CDHR3: variants seen among roughly 807,000 people sequenced by gnomAD.
CDHR3 encodes cadherin-related family member 3.
Under a neutral mutation model 86.6 loss-of-function variants are expected in CDHR3, and 79 were observed. The observed-to-expected ratio is 0.91, with a 90% confidence interval of 0.76 to 1.10. The LOEUF (loss-of-function observed/expected upper bound fraction) is 1.10. Among genes scored for constraint, CDHR3 ranks in the 50% least tolerant of loss-of-function variants. CDHR3 has a pLI of 0.00. For synonymous variants in CDHR3, 421 were observed against 402.4 expected, an observed-to-expected ratio of 1.05 and a Z score of -0.55; for missense variants, 1,081 against 1,077.6, an observed-to-expected ratio of 1.00 and a Z score of -0.04.
At chr7:105,971,127 C>T (rs1486642092) in intron 1 of CDHR3, among the ~76,000 whole-genome samples, 17 of 125,772 alleles carry the variant, frequency 1.4e-4, no homozygotes, top group African/African-American at 4.0e-4. Flanking sequence ...GGAGACAGAG[C>T]GAGACTCCAT....
chr7:105,974,783 G>A, intron 1 of CDHR3, 61 bp from the exon 2 acceptor site: 2 of 1,382,606 alleles, frequency 1.4e-6, no homozygotes, highest in Non-Finnish European at 2.0e-6. Flanking sequence ...AAGCTGTTAA[G>A]TCCCTGTTCC....
At chr7:105,993,677 CAAAAAAAAAA>C (rs55787798) in intron 4 of CDHR3, among the ~76,000 whole-genome samples, 16 of 91,790 alleles carry the variant, frequency 1.7e-4, no homozygotes, top group South Asian at 5.5e-4. Context: ...CTCTGTCTCA[CAAAAAAAAAA>C]AAAAAAAAAA....
rs113744764 is a variant in CDHR3 at position 105,972,328 on chromosome 7, C to T, written c.47-2516C>T. Among the ~76,000 whole-genome samples the T allele has an allele frequency of 2.7e-3, 405 of 152,250 alleles. 1 individual carries two copies. The highest frequency in any genetic ancestry group is 9.0e-3 in the African/African-American group (373 of 41,534). On this transcript the variant is annotated intron_variant, in intron 1 of 18. Coordinates refer to ENST00000317716, the MANE Select transcript of CDHR3 (RefSeq NM_152750.5). Reference sequence around the variant, plus strand: ...TTAGTCTATTCGTTTGGGCTAGGCACGATCTTACCCTAGGCTATTATTGAG... The same window carrying T: ...TTAGTCTATTCGTTTGGGCTAGGCATGATCTTACCCTAGGCTATTATTGAG...
intron 8 of CDHR3, among the ~76,000 whole-genome samples, chr7:106,011,932 G>A (rs1834870204): frequency 6.6e-6 from 1 of 152,180 alleles, no homozygotes; most frequent in African/African-American, 2.4e-5. Flanking sequence ...GGTGTTAGGA[G>A]GCCCTTCTAG....
chr7:105,996,269 G>T lies in CDHR3; in HGVS notation c.628G>T (p.Val210Leu), dbSNP rs771109526. The change falls in exon 6 of 19, where the codon GTG becomes TTG. Residue 210 changes from valine (V) to leucine (L), a missense_variant. Physicochemically the swap from Val to Leu is conservative, Grantham distance 32. Coordinates refer to ENST00000317716, the MANE Select transcript of CDHR3 (RefSeq NM_152750.5). ...TGGCAGTTTCCATCTCATCGTGGAG[G>T]TGAGGGACAGTGGAGGCCTCAAAGC... Reference protein sequence around the residue: ...GHRSFHLIVEVRDSGGLKAST... With the variant: ...GHRSFHLIVELRDSGGLKAST... 3 of 1,591,924 alleles carry T rather than the reference G, an allele frequency of 1.9e-6. No homozygotes were observed. In the Admixed American group the frequency reaches 5.0e-5, roughly 27 times the overall value.
At chr7:105,995,335 G>A (rs1357392628) in intron 5 of CDHR3, among the ~76,000 whole-genome samples, 1 of 149,098 alleles carries the variant, frequency 6.7e-6, no homozygotes, top group Non-Finnish European at 1.5e-5. Context: ...GCACATAAAT[G>A]TTATAAATTA....
chr7:106,009,774 C>T (rs779893619), intron 8 of CDHR3, among the ~76,000 whole-genome samples: 10 of 152,214 alleles, frequency 6.6e-5, no homozygotes, highest in Non-Finnish European at 1.3e-4. Flanking sequence ...ATCCGAGGCA[C>T]GTGACAACCC....
At chr7:106,014,764 A>G (rs1322947097) in intron 9 of CDHR3, among the ~76,000 whole-genome samples, 1 of 152,228 alleles carries the variant, frequency 6.6e-6, no homozygotes, top group Non-Finnish European at 1.5e-5. Context: ...AAAACCACAG[A>G]TAATAAGGGG....
At position 105,975,047 on chromosome 7, in the gene CDHR3, G is replaced by T. The variant is rs373592532; in HGVS notation, c.249+1G>T. Reference sequence around the variant, plus strand: ...TTGGCTGTCAGGCACCTACTTTGAGGTAAGTAACAACTTACCAACATGAGT... The same window carrying T: ...TTGGCTGTCAGGCACCTACTTTGAGTTAAGTAACAACTTACCAACATGAGT... On this transcript the variant is annotated splice_donor_variant, in intron 2 of 18. Coordinates refer to ENST00000317716, the MANE Select transcript of CDHR3 (RefSeq NM_152750.5). LOFTEE classifies it high-confidence loss of function. 1 of 1,612,050 alleles carries T rather than the reference G, an allele frequency of 6.2e-7. No individual in the cohort carries two copies. Among genetic ancestry groups the T allele is most frequent in the Non-Finnish European group, 8.5e-7 (1 of 1,178,154 alleles).
intron 2 of CDHR3, among the ~76,000 whole-genome samples, chr7:105,976,575 A>G (rs1324798267): frequency 6.6e-6 from 1 of 152,146 alleles, no homozygotes; most frequent in African/African-American, 2.4e-5. Context: ...CATCACCCCA[A>G]AACAAAACCC....
chr7:106,012,177 TAG>T (rs1413433911), intron 8 of CDHR3, among the ~76,000 whole-genome samples: 1 of 152,052 alleles, frequency 6.6e-6, no homozygotes, highest in African/African-American at 2.4e-5. Flanking sequence ...TTTGCCCTCA[TAG>T]AGTTTACTTT....
intron 2 of CDHR3, among the ~76,000 whole-genome samples, chr7:105,980,370 C>T (rs1157856153): frequency 1.3e-5 from 2 of 152,086 alleles, no homozygotes; most frequent in Non-Finnish European, 2.9e-5. Context: ...GACCCTTGAA[C>T]ATCAGCATAT....
At chr7:106,003,196 C>G (rs368889948) in intron 7 of CDHR3, among the ~76,000 whole-genome samples, 18 of 150,480 alleles carry the variant, frequency 1.2e-4, no homozygotes, top group Middle Eastern at 3.5e-3. Context: ...GGTACCGAGT[C>G]TTGGAAGACT....
In CDHR3 at chr7:106,018,482, C is replaced by T. The variant is rs548446368; in HGVS notation, c.1653+410C>T. 2.2e-4 allele frequency among the ~76,000 whole-genome samples: 34 copies of T among 152,270 alleles called. 1 individual carries two copies. Among genetic ancestry groups the T allele is most frequent in the Admixed American group, 1.6e-3 (25 of 15,302 alleles). Reference sequence around the variant, plus strand: ...AACTCCTGACCTCAAGTAATCCACTCGCCTCAGCCTCTCAAAGTGCTAGGA... The same window carrying T: ...AACTCCTGACCTCAAGTAATCCACTTGCCTCAGCCTCTCAAAGTGCTAGGA... On this transcript the variant is annotated intron_variant, in intron 12 of 18. Coordinates refer to ENST00000317716, the MANE Select transcript of CDHR3 (RefSeq NM_152750.5).
intron 6 of CDHR3, among the ~76,000 whole-genome samples, chr7:105,997,812 A>G (rs933213342): frequency 1.3e-5 from 2 of 152,130 alleles, no homozygotes; most frequent in East Asian, 1.9e-4. Flanking sequence ...AGAGAGAGAG[A>G]GAACATGACC....
chr7:105,967,830 A>G (rs1827225148), intron 1 of CDHR3, among the ~76,000 whole-genome samples: 1 of 151,988 alleles, frequency 6.6e-6, no homozygotes, highest in Admixed American at 6.6e-5. Flanking sequence ...AATTTGTTTT[A>G]GTTCTTTGTA....
chr7:105,991,605 T>TA (rs1831372208), intron 4 of CDHR3, among the ~76,000 whole-genome samples: 2 of 152,240 alleles, frequency 1.3e-5, no homozygotes, highest in African/African-American at 2.4e-5. Flanking sequence ...CAAATATTTT[T>TA]AAAAAATGTT....
chr7:106,012,652 T>C (rs2115840187), intron 8 of CDHR3, among the ~76,000 whole-genome samples: 1 of 152,248 alleles, frequency 6.6e-6, no homozygotes, highest in East Asian at 1.9e-4. Flanking sequence ...GACAACATGT[T>C]AGCAGGATCC....
rs1414588323 is a variant in CDHR3 at position 105,984,271 on chromosome 7, C to A, written c.495C>A (p.Ser165Arg). 6.2e-6 allele frequency: 10 copies of A among 1,609,884 alleles called. No homozygotes were observed. Among genetic ancestry groups the A allele is most frequent in the African/African-American group, 1.3e-5 (1 of 74,862 alleles). The change falls in exon 4 of 19, where the codon AGC becomes AGA. Residue 165 changes from serine (S) to arginine (R), a missense_variant. Coordinates refer to ENST00000317716, the MANE Select transcript of CDHR3 (RefSeq NM_152750.5). Reference sequence around the variant, plus strand: ...AGGCCTTCGATCCAGAAGACACAAGCCGAAACATTCCCCTCAGTGTAAGTG... The same window carrying A: ...AGGCCTTCGATCCAGAAGACACAAGACGAAACATTCCCCTCAGTGTAAGTG... ...QVEAFDPEDT[S>R]RNIPLSYFLI...
Sources: allele counts gnomAD v4.1 joint callset (sites outside exome capture counted in the v4.1 genomes callset), GRCh38; gene constraint gnomAD v4.1.1; transcripts MANE v1.5; gene names NCBI Gene and HGNC (gene_info 2026-07-23, HGNC 2026-07-21).